NPAS3: variants seen among roughly 807,000 people sequenced by gnomAD.
The protein encoded by NPAS3 is neuronal PAS domain protein 3.
Under a neutral mutation model 73.1 loss-of-function variants are expected in NPAS3, and 14 were observed. That is an observed-to-expected ratio of 0.19 (90% CI 0.13 to 0.30). The LOEUF is 0.30. NPAS3 is among the 10% of genes least tolerant of loss of function. The pLI is 1.00. For missense variants in NPAS3, 1,096 were observed against 1,250.0 expected, an observed-to-expected ratio of 0.88 and a Z score of 1.86; for synonymous variants, 620 against 541.5, an observed-to-expected ratio of 1.14 and a Z score of -2.01.
intron 3 of NPAS3, among the ~76,000 whole-genome samples, chr14:33,332,749 C>T (rs1216310023): frequency 1.3e-5 from 2 of 152,164 alleles, no homozygotes. Flanking sequence ...TGCCTGTTTA[C>T]AAGTCAGTTG....
intron 1 of NPAS3, among the ~76,000 whole-genome samples, chr14:33,035,768 T>G (rs989189233): frequency 1.3e-5 from 2 of 152,196 alleles, no homozygotes; most frequent in African/African-American, 4.8e-5. Flanking sequence ...CTTCTCTTTG[T>G]ACCATTTGTG....
rs535974744 is a variant in NPAS3, at chr14:33,672,346, T to C, written c.559-3865T>C. ...TTATACTAACATAAAAGAACCACCT[T>C]AAACTTTTCCAAATCAAGTACAAGT... On this transcript the variant is annotated intron_variant, in intron 5 of 11. Transcript: ENST00000356141. 4.6e-5 allele frequency among the ~76,000 whole-genome samples: 7 copies of C among 152,320 alleles called. No individual in the cohort carries two copies. The East Asian group carries it at 1.3e-3, about 29-fold the overall frequency.
intron 4 of NPAS3, among the ~76,000 whole-genome samples, chr14:33,418,002 A>G (rs978110628): frequency 6.6e-6 from 1 of 151,994 alleles, no homozygotes; most frequent in African/African-American, 2.4e-5. Context: ...AAAAGTTTGT[A>G]AGGACATAGA....
intron 3 of NPAS3, among the ~76,000 whole-genome samples, chr14:33,265,345 A>G (rs1397567783): frequency 6.6e-6 from 1 of 152,202 alleles, no homozygotes; most frequent in Non-Finnish European, 1.5e-5. Context: ...CAGTTTAGTA[A>G]TAGTATTAAC....
At chr14:33,465,834 ATTTG>A (rs2050486974) in intron 4 of NPAS3, among the ~76,000 whole-genome samples, 1 of 150,678 alleles carries the variant, frequency 6.6e-6, no homozygotes, top group African/African-American at 2.4e-5. Context: ...ATTCGGTTTT[ATTTG>A]TTCTTAGTTT....
chr14:32,985,014 A>G (rs2038042802), intron 1 of NPAS3, among the ~76,000 whole-genome samples: 1 of 152,224 alleles, frequency 6.6e-6, no homozygotes. Context: ...GTGCATAAAA[A>G]TATACATAAT....
chr14:33,666,304 T>C (rs1201726424), intron 5 of NPAS3, among the ~76,000 whole-genome samples: 1 of 152,172 alleles, frequency 6.6e-6, no homozygotes, highest in Non-Finnish European at 1.5e-5. Context: ...CCTGGATTGC[T>C]CCTATCTTTT....
At chr14:33,738,834 A>C (rs1361721602) in intron 7 of NPAS3, among the ~76,000 whole-genome samples, 2 of 152,190 alleles carry the variant, frequency 1.3e-5, no homozygotes, top group African/African-American at 4.8e-5. Context: ...CTGCACATAG[A>C]TTCTGCCTTC....
At chr14:33,695,962 G>C (rs10129574) in intron 6 of NPAS3, among the ~76,000 whole-genome samples, 48 of 152,222 alleles carry the variant, frequency 3.2e-4, no homozygotes, top group African/African-American at 1.1e-3. Flanking sequence ...TTATCTTATT[G>C]TTGAGAAATT....
intron 5 of NPAS3, among the ~76,000 whole-genome samples, chr14:33,584,913 G>A (rs934368275): frequency 2.6e-5 from 4 of 152,146 alleles, no homozygotes; most frequent in African/African-American, 9.7e-5. Context: ...CTAAAGACTT[G>A]GTTACCTTGG....
intron 7 of NPAS3, among the ~76,000 whole-genome samples, chr14:33,754,737 C>G (rs2062063590): frequency 6.6e-6 from 1 of 152,210 alleles, no homozygotes; most frequent in South Asian, 2.1e-4. Context: ...GATTCTCTCT[C>G]TCTTCTCCCT....
chr14:33,076,654 T>G (rs1423951601), intron 2 of NPAS3, among the ~76,000 whole-genome samples: 3 of 152,206 alleles, frequency 2.0e-5, no homozygotes, highest in Non-Finnish European at 4.4e-5. Context: ...ATGACATGAC[T>G]TGCCTCCAAC....
chr14:33,162,308 C>T (rs1370837605), intron 2 of NPAS3, among the ~76,000 whole-genome samples: 1 of 152,026 alleles, frequency 6.6e-6, no homozygotes, highest in Non-Finnish European at 1.5e-5. Context: ...TTTATCTAAC[C>T]TCTACTTCAT....
chr14:33,534,667 G>C (rs1464607646), intron 4 of NPAS3, among the ~76,000 whole-genome samples: 3 of 152,126 alleles, frequency 2.0e-5, no homozygotes, highest in Non-Finnish European at 2.9e-5. Context: ...TCCATGTGTG[G>C]TTATTTAATC....
chr14:33,495,392 A>G (rs1028897538), intron 4 of NPAS3, among the ~76,000 whole-genome samples: 2 of 152,030 alleles, frequency 1.3e-5, no homozygotes, highest in African/African-American at 4.8e-5. Context: ...TTTAGTTCCA[A>G]TTATGTGGTC....
At chr14:33,472,693 T>C (rs528796628) in intron 4 of NPAS3, among the ~76,000 whole-genome samples, 2 of 150,228 alleles carry the variant, frequency 1.3e-5, no homozygotes, top group Non-Finnish European at 2.9e-5. Flanking sequence ...CAAGGATGAC[T>C]CCAGTGTTTT....
intron 4 of NPAS3, among the ~76,000 whole-genome samples, chr14:33,524,545 T>A (rs539726783): frequency 6.6e-6 from 1 of 152,190 alleles, no homozygotes; most frequent in Non-Finnish European, 1.5e-5. Flanking sequence ...TACATGATCT[T>A]AAAGCTTATG....
intron 2 of NPAS3, among the ~76,000 whole-genome samples, chr14:33,136,157 T>A (rs969617459): frequency 1.3e-5 from 2 of 150,154 alleles, no homozygotes; most frequent in Non-Finnish European, 3.0e-5. Context: ...GCCTCCCAGG[T>A]TTAAGCAATT....
chr14:33,444,064 T>C (rs748271096), intron 4 of NPAS3, among the ~76,000 whole-genome samples: 18 of 152,186 alleles, frequency 1.2e-4, no homozygotes, highest in Non-Finnish European at 2.2e-4. Context: ...GTAGAAGAAA[T>C]TTACACTTTG....
Sources: gnomAD v4.1 joint callset for allele counts (sites outside exome capture counted in the v4.1 genomes callset) on GRCh38, gnomAD v4.1.1 for gene constraint, MANE v1.5 for transcripts, NCBI Gene and HGNC (gene_info 2026-07-23, HGNC 2026-07-21) for gene names.